Variants in NRXN2 observed in about 807,000 individuals in gnomAD.
NRXN2 encodes neurexin 2, also known as neurexin-2-beta.
A neutral mutation model predicts 128.8 loss-of-function variants in NRXN2; 29 were observed. The ratio of observed to expected loss-of-function variants is 0.23; its 90% CI spans 0.17 to 0.31. The LOEUF (loss-of-function observed/expected upper bound fraction) is 0.31, where lower values mean the gene tolerates loss of function less well. Ranked by LOEUF, NRXN2 falls within the 10% of genes least tolerant of loss-of-function variation. NRXN2 has a pLI of 1.00. For missense variants in NRXN2, 1,881 were observed against 2,452.6 expected (o/e 0.77, Z 4.92); for synonymous variants, 1,098 against 1,075.2 (o/e 1.02, Z -0.41).
intron 20 of NRXN2, among the ~76,000 whole-genome samples, chr11:64,625,181 C>A (rs377488425): frequency 2.8e-4 from 42 of 152,354 alleles, no homozygotes; most frequent in Admixed American, 5.9e-4. Flanking sequence ...CCCCACCCCC[C>A]AACAGGGCCT....
intron 7 of NRXN2, among the ~76,000 whole-genome samples, chr11:64,669,594 A>G (rs1429061704): frequency 1.3e-5 from 2 of 152,160 alleles, no homozygotes; most frequent in South Asian, 4.1e-4. Flanking sequence ...AGAATGCAGA[A>G]GTAATCTTAG....
chr11:64,645,266 AG>A (rs2046466826), intron 17 of NRXN2, among the ~76,000 whole-genome samples: 1 of 152,126 alleles, frequency 6.6e-6, no homozygotes, highest in Non-Finnish European at 1.5e-5. Flanking sequence ...GAGGAAAGGA[AG>A]GGAAACCGCC....
intron 17 of NRXN2, among the ~76,000 whole-genome samples, chr11:64,636,849 C>A (rs899012469): frequency 1.3e-5 from 2 of 152,038 alleles, no homozygotes; most frequent in Admixed American, 6.5e-5. Flanking sequence ...ACCTCGGGGT[C>A]TCTCGCCTCA....
rs1180721845 is a variant in NRXN2 at position 64,690,511 on chromosome 11, G to T, written c.779-35C>A. The T allele has an allele frequency of 1.1e-5, 17 of 1,579,190 alleles. No individual in the cohort carries two copies. In the East Asian group the frequency reaches 3.4e-4, roughly 31 times the overall value. Reference sequence around the variant, plus strand: ...CAGAATTGGGGAGTCAGGCACAGGGGGTACCGAGCCAGTCCCTCCCCAGCC... The same window carrying T: ...CAGAATTGGGGAGTCAGGCACAGGGTGTACCGAGCCAGTCCCTCCCCAGCC... On this transcript the variant is annotated intron_variant, in intron 4 of 22. Transcript: ENST00000265459.
rs1204000700 is a variant in NRXN2 at position 64,623,038 on chromosome 11, C to G, written c.3888G>C (p.Lys1296Asn). The G allele has an allele frequency of 6.2e-7, 1 of 1,609,744 alleles. No homozygotes were observed. The highest frequency in any genetic ancestry group is 8.5e-7 in the Non-Finnish European group (1 of 1,178,318). Residue 1296 changes from lysine to asparagine, a missense_variant, in exon 21 of 23, where the codon AAG becomes AAC. This residue lies in a region of NRXN2 where 2 missense variants were observed against 21.6 expected (regional missense o/e 0.09). Coordinates refer to ENST00000265459, the MANE Select transcript of NRXN2 (RefSeq NM_015080.4). This position sits in a 1 kb window ranked among gnomAD's most constrained non-coding sequence, Gnocchi z 4.9. ...LTIFNSQAAI[K>N]IGGRDQGRPF... is the part of the protein sequence containing the mutation. ...GGCGGCCCTGATCCCGGCCCCCGATCTTGATGGCAGCCTGGCTGTTGAAGA... is the reference window on the plus strand; with the variant it reads ...GGCGGCCCTGATCCCGGCCCCCGATGTTGATGGCAGCCTGGCTGTTGAAGA...
In NRXN2 at chr11:64,697,781, T is replaced by C. The variant is rs761596381; in HGVS notation, c.742A>G (p.Met248Val). 7.4e-6 allele frequency: 12 copies of C among 1,613,632 alleles called. No homozygotes were observed. The Admixed American group carries it at 1.8e-4, about 25-fold the overall frequency. ...GKFCSEEEHP[M>V]EGPAHLTLNS... The stretch of plus-strand genomic sequence containing the variant: ...ACAGAGAGGCTTCACTCACCTTCCA[T>C]GGGGTGCTCCTCTGCAGCCAGCGAG... Residue 248 changes from methionine (M) to valine (V), a missense_variant, in exon 3 of 23, where the codon ATG becomes GTG. By Grantham distance (21) the Met-to-Val change is conservative (BLOSUM62 1). This residue lies in a region of NRXN2 where 997 missense variants were observed against 1,240.8 expected (regional missense o/e 0.80). Transcript: ENST00000265459.
intron 17 of NRXN2, among the ~76,000 whole-genome samples, chr11:64,640,738 C>T (rs1269356097): frequency 6.6e-6 from 1 of 151,996 alleles, no homozygotes; most frequent in Non-Finnish European, 1.5e-5. Flanking sequence ...GGAAGTGCTC[C>T]AGGGAAACTG....
chr11:64,677,374 C>T lies in NRXN2; in HGVS notation c.1153-337G>A, dbSNP rs936884681. Among the ~76,000 whole-genome samples the T allele has an allele frequency of 5.9e-5, 9 of 152,038 alleles. No individual in the cohort carries two copies. In the East Asian group the frequency reaches 1.3e-3, roughly 23 times the overall value. ...CACCATCCCCTCCCCGAAGAAGAGC[C>T]GTCTGCAGAGAAGGGGAACAGTTAG... On this transcript the variant is annotated intron_variant, in intron 6 of 22. Coordinates refer to ENST00000265459, the MANE Select transcript of NRXN2 (RefSeq NM_015080.4).
In NRXN2 at chr11:64,656,934, T is replaced by C. The variant is rs553785339; in HGVS notation, c.2390-3212A>G. Reference sequence around the variant, plus strand: ...TTTTGTCCCTCTCTTATCTAGCAAATATCCCATCTCTTGAGGCTAGCACTA... The same window carrying C: ...TTTTGTCCCTCTCTTATCTAGCAAACATCCCATCTCTTGAGGCTAGCACTA... On this transcript the variant is annotated intron_variant, in intron 11 of 22. Transcript: ENST00000265459. Among the ~76,000 whole-genome samples the C allele has an allele frequency of 2.6e-5, 4 of 152,056 alleles. No individual in the cohort carries two copies. In the South Asian group the frequency reaches 8.3e-4, roughly 32 times the overall value.
At chr11:64,698,359 G>A (rs1321079328) in intron 2 of NRXN2, among the ~76,000 whole-genome samples, 5 of 152,034 alleles carry the variant, frequency 3.3e-5, no homozygotes, top group African/African-American at 4.8e-5. Flanking sequence ...AACCACCTAC[G>A]GCCCCTGACC....
At chr11:64,718,492 G>A (rs139775149) in intron 1 of NRXN2, among the ~76,000 whole-genome samples, 1 of 152,332 alleles carries the variant, frequency 6.6e-6, no homozygotes, top group East Asian at 1.9e-4. Flanking sequence ...TGGGAGAAGT[G>A]CGTGCTATGG....
Position 64,668,623 on chromosome 11 carries a change from A to C in NRXN2, c.1198-19T>G, listed in dbSNP as rs2050209228. 6.2e-7 allele frequency: 1 copy of C among 1,612,076 alleles called. No individual in the cohort carries two copies. The highest frequency in any genetic ancestry group is 1.3e-5 in the African/African-American group (1 of 74,702). ...TGGTCACCTGTCCAGCCCAGGAGGGAGGGAGAAAGACAGGAGACAACCAAC... is the reference window on the plus strand; with the variant it reads ...TGGTCACCTGTCCAGCCCAGGAGGGCGGGAGAAAGACAGGAGACAACCAAC... On this transcript the variant is annotated intron_variant, in intron 7 of 22. Coordinates refer to ENST00000265459, the MANE Select transcript of NRXN2 (RefSeq NM_015080.4).
Position 64,651,368 on chromosome 11 carries a change from T to G in NRXN2, c.2805A>C (p.Gln935His). 2.5e-6 allele frequency: 4 copies of G among 1,614,198 alleles called. No individual in the cohort carries two copies. The highest frequency in any genetic ancestry group is 3.4e-6 in the Non-Finnish European group (4 of 1,180,026). Reference protein sequence around the residue: ...RSSYLALATLQAYASMHLFFQ... With the variant: ...RSSYLALATLHAYASMHLFFQ... ...AGAAGAGGTGCATGGAAGCATAGGC[T>G]TGGAGCGTGGCGAGTGCCAGGTAGC... Residue 935 changes from glutamine (Q) to histidine (H), a missense_variant, in exon 14 of 23, where the codon CAA becomes CAC. Transcript: ENST00000265459. This position sits in a 1 kb window ranked among gnomAD's most constrained non-coding sequence, Gnocchi z 5.9.
chr11:64,713,076 G>C lies in NRXN2; in HGVS notation c.624C>G (p.Pro208=), dbSNP rs1592306999. 7.7e-7 allele frequency: 1 copy of C among 1,295,042 alleles called. No homozygotes were observed. The highest frequency in any genetic ancestry group is 3.2e-5 in the East Asian group (1 of 31,258). The allele number at this position is 1,295,042 out of a possible 1,614,324, so 80.2% of individuals were successfully genotyped here. ...CGCCGTTGGCGCAGGGGTTGCGCGC[G>C]GGCGCGCACAGCGGGTCGGCGGTGG... ...RGATADPLCA[P]ARNPCANGGL... Residue 208 remains proline (P), a synonymous_variant, in exon 2 of 23, where the codon CCC becomes CCG. Transcript: ENST00000265459.
chr11:64,662,275 G>C (rs935510118), intron 9 of NRXN2, among the ~76,000 whole-genome samples: 13 of 151,350 alleles, frequency 8.6e-5, no homozygotes, highest in African/African-American at 3.2e-4. Flanking sequence ...AAGAAGAGAA[G>C]AAGGGAGAAG....
intron 2 of NRXN2, among the ~76,000 whole-genome samples, chr11:64,712,385 C>T (rs1220628505): frequency 6.6e-6 from 1 of 151,682 alleles, no homozygotes; most frequent in Admixed American, 6.6e-5. Context: ...CCAGCCCACA[C>T]TGGCCTTCCA....
In NRXN2 at chr11:64,667,526, G is replaced by T; in HGVS notation, c.1522C>A (p.Arg508Ser). Residue 508 changes from arginine to serine, a missense_variant, in exon 9 of 23, where the codon CGC becomes AGC. Arg to Ser is a moderately radical substitution (Grantham distance 110). Transcript: ENST00000265459. This position sits in a 1 kb window ranked among gnomAD's most constrained non-coding sequence, Gnocchi z 5.6. ...ESPEAFVALP[R>S]WSAKRTGSIS... ...GAGCCAGTGCGCTTAGCGCTCCAGC[G>T]GGGCAGCGCCACAAAGGCCTCGGGA... The T allele has an allele frequency of 6.2e-7, 1 of 1,614,056 alleles. No homozygotes were observed. Among genetic ancestry groups the T allele is most frequent in the South Asian group, 1.1e-5 (1 of 91,082 alleles).
chr11:64,642,563 G>T (rs1289505961), intron 17 of NRXN2: 1 of 1,610,744 alleles, frequency 6.2e-7, no homozygotes, highest in East Asian at 2.2e-5. Flanking sequence ...GTGAGGAAGG[G>T]CATGCGGTTG....
At chr11:64,620,218 G>C in intron 22 of NRXN2, 76 bp downstream of exon 22, 2 of 1,206,932 alleles carry the variant, frequency 1.7e-6, no homozygotes, top group South Asian at 1.3e-5. Context: ...CTTGGGCCAG[G>C]TGGCAGGGAC....
Sources: allele counts gnomAD v4.1 joint callset (sites outside exome capture counted in the v4.1 genomes callset), GRCh38; gene constraint gnomAD v4.1.1; regional missense constraint gnomAD v4.1.1; non-coding constraint Gnocchi (gnomAD v3.1); transcripts MANE v1.5; gene names NCBI Gene and HGNC (gene_info 2026-07-23, HGNC 2026-07-21).